Variants in TCERG1L observed in about 807,000 individuals in gnomAD.
The protein encoded by TCERG1L is transcription elongation regulator 1 like.
TCERG1L carries 37 observed loss-of-function variants against 56.3 expected under a neutral mutation model. The ratio of observed to expected loss-of-function variants is 0.66; its 90% CI spans 0.51 to 0.87. The LOEUF (loss-of-function observed/expected upper bound fraction) is 0.87. Ranked by LOEUF, TCERG1L falls within the 40% of genes least tolerant of loss-of-function variation. The pLI is 0.00. For synonymous variants in TCERG1L, 324 were observed against 326.3 expected (o/e 0.99, Z 0.08); for missense variants, 799 against 774.2 (o/e 1.03, Z -0.38).
At chr10:131,164,426 A>G (rs1846010528) in intron 5 of TCERG1L, among the ~76,000 whole-genome samples, 2 of 152,242 alleles carry the variant, frequency 1.3e-5, no homozygotes, top group Non-Finnish European at 2.9e-5. Context: ...AAATAACCAA[A>G]TTCTTACCAG....
intron 4 of TCERG1L, among the ~76,000 whole-genome samples, chr10:131,229,721 A>G (rs1309223920): frequency 6.6e-6 from 1 of 152,084 alleles, no homozygotes; most frequent in Admixed American, 6.5e-5. Context: ...TAGAATATTT[A>G]CCTCCTAAAT....
chr10:131,114,423 G>C (rs1845434900), intron 9 of TCERG1L, among the ~76,000 whole-genome samples: 1 of 102,946 alleles, frequency 9.7e-6, no homozygotes, highest in African/African-American at 2.9e-5. Flanking sequence ...GTCTGTGTAT[G>C]TGGGCCTCTC....
intron 8 of TCERG1L, among the ~76,000 whole-genome samples, chr10:131,133,044 A>G (rs1417686751): frequency 6.6e-6 from 1 of 152,192 alleles, no homozygotes; most frequent in Non-Finnish European, 1.5e-5. Context: ...TGTTTCTGAA[A>G]GTTCTGTGGT....
Position 131,097,408 on chromosome 10 carries a change from T to C in TCERG1L, c.1604+898A>G, listed in dbSNP as rs1251568252. 2.0e-5 allele frequency among the ~76,000 whole-genome samples: 3 copies of C among 152,164 alleles called. No individual in the cohort carries two copies. The East Asian group carries it at 5.8e-4, about 29-fold the overall frequency. ...TGTCGCCCAGGTTGGAGTGCAGTGG[T>C]GCAATCAAGGCTCACTGCAAGCTCC... is the stretch of plus-strand genomic sequence containing the variant. On this transcript the variant is annotated intron_variant, in intron 11 of 11. Coordinates refer to ENST00000368642, the MANE Select transcript of TCERG1L (RefSeq NM_174937.4).
chr10:131,204,664 C>T (rs1845496704), intron 4 of TCERG1L, among the ~76,000 whole-genome samples: 1 of 152,210 alleles, frequency 6.6e-6, no homozygotes, highest in Non-Finnish European at 1.5e-5. Flanking sequence ...AGTGTCCTTC[C>T]ACTAGAGGCT....
chr10:131,241,424 A>G (rs112452635), intron 4 of TCERG1L, among the ~76,000 whole-genome samples: 7 of 152,210 alleles, frequency 4.6e-5, no homozygotes, highest in African/African-American at 1.4e-4. Flanking sequence ...GCAGAGGAGG[A>G]GGAAGCACCT....
chr10:131,235,426 G>T (rs1300648291), intron 4 of TCERG1L, among the ~76,000 whole-genome samples: 1 of 152,134 alleles, frequency 6.6e-6, no homozygotes, highest in East Asian at 1.9e-4. Flanking sequence ...TGTCATTTTG[G>T]TCCAACGGTT....
chr10:131,099,467 C>G (rs959908929), intron 10 of TCERG1L, among the ~76,000 whole-genome samples: 1 of 152,146 alleles, frequency 6.6e-6, no homozygotes, highest in Non-Finnish European at 1.5e-5. Flanking sequence ...ATAAAAATAT[C>G]AAGAGAAAGT....
chr10:131,191,057 A>G (rs1365053318), intron 4 of TCERG1L, among the ~76,000 whole-genome samples: 1 of 144,382 alleles, frequency 6.9e-6, no homozygotes, highest in Admixed American at 6.9e-5. Flanking sequence ...AATCAGTAGC[A>G]CTGCTAGACA....
rs1326797422 is a variant in TCERG1L, at chr10:131,311,577, C to T, written c.59G>A (p.Arg20Gln). ...CGGCCAGAGGAGAGGCTGCCGCCGC[C>T]GGGGCTGCTGCTGCTGCAGCTGCCG... ...RRRQLQQQQP[R>Q]RRQPLLWPMD... Residue 20 changes from arginine to glutamine, a missense_variant, in exon 1 of 12, where the codon CGG (arginine) becomes CAG (glutamine). Physicochemically the swap from Arg to Gln is conservative, Grantham distance 43 (BLOSUM62 1). Transcript: ENST00000368642. This position sits in a 1 kb window ranked among gnomAD's most constrained non-coding sequence, Gnocchi z 4.0. The T allele has an allele frequency of 1.4e-5, 16 of 1,139,730 alleles. No individual in the cohort carries two copies. The highest frequency in any genetic ancestry group is 8.2e-5 in the South Asian group (2 of 24,374). 70.6% of individuals were successfully genotyped at this position (1,139,730 alleles called of 1,614,324 possible). A position where few individuals can be genotyped will look rare whatever the true frequency, so the allele number is the denominator to read the frequency against.
rs143709492 is a variant in TCERG1L at position 131,263,467 on chromosome 10, A to G, written c.671-3023T>C. Among the ~76,000 whole-genome samples the G allele has an allele frequency of 8.8e-3, 1,335 of 152,246 alleles. 21 individuals carry two copies. The highest frequency in any genetic ancestry group is 0.03 in the African/African-American group (1,240 of 41,538). ...TGTGTTGGAAACGTATCACAATCAC[A>G]CCACATCTGTGGCTTTTTCATGAGA... On this transcript the variant is annotated intron_variant, in intron 3 of 11. Coordinates refer to ENST00000368642, the MANE Select transcript of TCERG1L (RefSeq NM_174937.4).
At chr10:131,222,507 A>C (rs1252218021) in intron 4 of TCERG1L, among the ~76,000 whole-genome samples, 1 of 152,240 alleles carries the variant, frequency 6.6e-6, no homozygotes, top group African/African-American at 2.4e-5. Flanking sequence ...CAGCCGCCAC[A>C]CTGGTGTGAG....
intron 9 of TCERG1L, among the ~76,000 whole-genome samples, chr10:131,106,481 G>A (rs188346784): frequency 1.4e-3 from 214 of 152,342 alleles, no homozygotes; most frequent in Non-Finnish European, 1.6e-3. Context: ...GACAAAGGCT[G>A]GGTCATGAAC....
intron 4 of TCERG1L, among the ~76,000 whole-genome samples, chr10:131,252,284 G>A (rs530409181): frequency 6.6e-6 from 1 of 152,264 alleles, no homozygotes; most frequent in Non-Finnish European, 1.5e-5. Flanking sequence ...AATACTATGT[G>A]TAACTGAGGA....
At chr10:131,232,722 A>T (rs1354019710) in intron 4 of TCERG1L, among the ~76,000 whole-genome samples, 2 of 152,196 alleles carry the variant, frequency 1.3e-5, no homozygotes, top group African/African-American at 4.8e-5. Flanking sequence ...AGCTGCTAAA[A>T]TGGGCACAAA....
chr10:131,311,394 G>C lies in TCERG1L; in HGVS notation c.242C>G (p.Pro81Arg). Residue 81 changes from proline (P) to arginine (R), a missense_variant, in exon 1 of 12, where the codon CCG becomes CGG. Coordinates refer to ENST00000368642, the MANE Select transcript of TCERG1L (RefSeq NM_174937.4). This position sits in a 1 kb window ranked among gnomAD's most constrained non-coding sequence, Gnocchi z 4.0. The part of the protein sequence containing the change: ...APLLPGLPGW[P>R]APSEPVLPLL... ...CGGGAGCACCGGCTCGCTCGGGGCCGGCCAGCCGGGGAGACCGGGGAGCAG... is the reference window on the plus strand; with the variant it reads ...CGGGAGCACCGGCTCGCTCGGGGCCCGCCAGCCGGGGAGACCGGGGAGCAG... 1 of 1,187,502 alleles carries C rather than the reference G, an allele frequency of 8.4e-7. No homozygotes were observed. The highest frequency in any genetic ancestry group is 4.2e-5 in the South Asian group (1 of 24,010). The allele number at this position is 1,187,502 out of a possible 1,614,324, so 73.6% of individuals were successfully genotyped here.
chr10:131,231,499 G>A (rs1006439372), intron 4 of TCERG1L, among the ~76,000 whole-genome samples: 4 of 152,164 alleles, frequency 2.6e-5, no homozygotes, highest in African/African-American at 9.7e-5. Context: ...CCGTGGCACT[G>A]CCTGCAGAGC....
intron 8 of TCERG1L, among the ~76,000 whole-genome samples, chr10:131,129,830 G>T (rs1262352765): frequency 1.3e-5 from 2 of 152,162 alleles, no homozygotes; most frequent in Non-Finnish European, 2.9e-5. Context: ...GGATCGGGAG[G>T]CCTCAGGAAA....
At chr10:131,172,822 T>C (rs534609320) in intron 4 of TCERG1L, among the ~76,000 whole-genome samples, 1 of 152,236 alleles carries the variant, frequency 6.6e-6, no homozygotes, top group Admixed American at 6.5e-5. Flanking sequence ...ATATGAATGG[T>C]TTCACATCCA....
Sources: gnomAD v4.1 joint callset for allele counts (sites outside exome capture counted in the v4.1 genomes callset) on GRCh38, gnomAD v4.1.1 for gene constraint, Gnocchi (gnomAD v3.1) non-coding constraint, MANE v1.5 for transcripts, NCBI Gene and HGNC (gene_info 2026-07-23, HGNC 2026-07-21) for gene names.